The following HGD variants were observed in gnomAD, a reference collection of about 807,000 sequenced individuals.
HGD encodes homogentisate 1,2-dioxygenase, also known as homogentisate oxidase.
HGD carries 61 observed loss-of-function variants against 60.8 expected under a neutral mutation model. The observed-to-expected ratio is 1.00, with a 90% confidence interval of 0.82 to 1.24. The LOEUF (loss-of-function observed/expected upper bound fraction) is 1.24. Ranked by LOEUF, HGD falls within the 50% of genes most tolerant of loss-of-function variation. The probability of loss-of-function intolerance (pLI) is 0.00; values close to 1 mark genes in which losing one functional copy is unlikely to be tolerated. For missense variants in HGD, 542 were observed against 547.1 expected (o/e 0.99, Z 0.09); for synonymous variants, 212 against 187.7 (o/e 1.13, Z -1.06).
At chr3:120,662,974 A>G (rs1707812822) in intron 4 of HGD, among the ~76,000 whole-genome samples, 1 of 152,202 alleles carries the variant, frequency 6.6e-6, no homozygotes, top group Non-Finnish European at 1.5e-5. Flanking sequence ...GGCTATAGAC[A>G]CAGAGGGAAG....
At chr3:120,675,075 G>A (rs1020306956) in intron 2 of HGD, 86 bp from the exon 3 acceptor site, 2 of 882,610 alleles carry the variant, frequency 2.3e-6, no homozygotes, top group African/African-American at 3.3e-5. Flanking sequence ...GGGGGATGGG[G>A]ATGCTCTGGG....
At position 120,635,499 on chromosome 3, in the gene HGD, A is replaced by T. The variant is rs796600540; in HGVS notation, c.1007-2171T>A. On this transcript the variant is annotated intron_variant, in intron 12 of 13. Coordinates refer to ENST00000283871, the MANE Select transcript of HGD (RefSeq NM_000187.4). ...CTCAAAAAAAAAAAAAAAAAAAAAA[A>T]GCTGAATCTAGTTGACTAAGGCACA... Among the ~76,000 whole-genome samples, 22 of 142,172 alleles carry T rather than the reference A, an allele frequency of 1.5e-4. No homozygotes were observed. In the East Asian group the frequency reaches 3.9e-3, roughly 25 times the overall value. 93.3% of individuals were successfully genotyped at this position (142,172 alleles called of 152,430 possible). A position where few individuals can be genotyped will look rare whatever the true frequency, so the allele number is the denominator to read the frequency against.
Position 120,669,447 on chromosome 3 carries a change from G to GCGCGCA in HGD, c.282+979_282+980insTGCGCG, listed in dbSNP as rs71133515. On this transcript the variant is annotated intron_variant, in intron 4 of 13. Coordinates refer to ENST00000283871, the MANE Select transcript of HGD (RefSeq NM_000187.4). ...AAAATACAAGCTTATGTGCGCATGT[G>GCGCGCA]CACACACACACACACACACACACAC... is the stretch of plus-strand genomic sequence containing the variant. Among the ~76,000 whole-genome samples the GCGCGCA allele has an allele frequency of 2.3e-3, 334 of 145,726 alleles. 2 individuals are homozygous for GCGCGCA. Among genetic ancestry groups the GCGCGCA allele is most frequent in the African/African-American group, 8.0e-3 (315 of 39,210 alleles).
At chr3:120,663,398 A>G (rs1342423003) in intron 4 of HGD, among the ~76,000 whole-genome samples, 1 of 152,200 alleles carries the variant, frequency 6.6e-6, no homozygotes, top group African/African-American at 2.4e-5. Context: ...TGGCTAGGAA[A>G]GCCTCACAAT....
intron 5 of HGD, among the ~76,000 whole-genome samples, chr3:120,652,313 G>A (rs113711833): frequency 9.9e-5 from 15 of 151,494 alleles, no homozygotes; most frequent in African/African-American, 1.7e-4. Flanking sequence ...AAAAGCCCCC[G>A]TTCTAGCCAA....
At chr3:120,645,441 A>C (rs1046920729) in intron 9 of HGD, among the ~76,000 whole-genome samples, 10 of 152,218 alleles carry the variant, frequency 6.6e-5, no homozygotes, top group African/African-American at 2.4e-4. Flanking sequence ...GAGTAAACCA[A>C]GGGCCAATTT....
At position 120,670,545 on chromosome 3, in the gene HGD, AC is replaced by A; in HGVS notation, c.177-14del. On this transcript the variant is annotated splice_polypyrimidine_tract_variant and intron_variant, in intron 3 of 13. Transcript: ENST00000283871. ...CCTATACAGCCAGCTAGAGGGAAAAACATACAAGATATACAAGCCTTAGAGT... is the reference window on the plus strand; with the variant it reads ...CCTATACAGCCAGCTAGAGGGAAAAAATACAAGATATACAAGCCTTAGAGT... 2 of 1,400,694 alleles carry A rather than the reference AC, an allele frequency of 1.4e-6. No homozygotes were observed. The highest frequency in any genetic ancestry group is 2.0e-6 in the Non-Finnish European group (2 of 985,390). 86.8% of individuals were successfully genotyped at this position (1,400,694 alleles called of 1,614,324 possible).
intron 12 of HGD, among the ~76,000 whole-genome samples, chr3:120,636,523 G>A (rs1011252694): frequency 6.6e-6 from 1 of 152,152 alleles, no homozygotes; most frequent in Admixed American, 6.6e-5. Flanking sequence ...AGTAACATGC[G>A]AAGTACAGAC....
rs2107483460 is a variant in HGD, at chr3:120,628,293, C to T, written c.*87G>A. ...AAAAGTGAATTTTCATTTTAACCAA[C>T]CCCCTCCTCCAATACTACCAGAAAG... On this transcript the variant is annotated 3_prime_UTR_variant, in exon 14 of 14. Transcript: ENST00000283871. 1.4e-6 allele frequency: 2 copies of T among 1,427,708 alleles called. No homozygotes were observed. Among genetic ancestry groups the T allele is most frequent in the South Asian group, 2.3e-5 (2 of 86,244 alleles). 88.4% of individuals were successfully genotyped at this position (1,427,708 alleles called of 1,614,324 possible). A position where few individuals can be genotyped will look rare whatever the true frequency, so the allele number is the denominator to read the frequency against.
At chr3:120,640,696 A>C (rs1037842496) in intron 11 of HGD, among the ~76,000 whole-genome samples, 3 of 152,236 alleles carry the variant, frequency 2.0e-5, no homozygotes, top group Non-Finnish European at 4.4e-5. Flanking sequence ...ATCACAAATA[A>C]AGCTTTATCA....
At chr3:120,677,213 A>G (rs1708147405) in intron 1 of HGD, among the ~76,000 whole-genome samples, 1 of 152,240 alleles carries the variant, frequency 6.6e-6, no homozygotes, top group South Asian at 2.1e-4. Context: ...TTGAAAAAAG[A>G]ACAGGATAAC....
rs1941218402 is a variant in HGD at position 120,648,017 on chromosome 3, C to G, written c.435-106G>C. 4 of 952,788 alleles carry G rather than the reference C, an allele frequency of 4.2e-6. No individual in the cohort carries two copies. In the East Asian group the frequency reaches 9.6e-5, roughly 23 times the overall value. 59.0% of individuals were successfully genotyped at this position (952,788 alleles called of 1,614,324 possible). A position where few individuals can be genotyped will look rare whatever the true frequency, so the allele number is the denominator to read the frequency against. ...TAGTGCCTATGTAGCAAGCTCAGAG[C>G]TGGGTATAAAATGGGGAGCAAAATG... On this transcript the variant is annotated intron_variant, in intron 6 of 13. Coordinates refer to ENST00000283871, the MANE Select transcript of HGD (RefSeq NM_000187.4).
chr3:120,680,649 G>A (rs1299187806), intron 1 of HGD, among the ~76,000 whole-genome samples: 1 of 152,110 alleles, frequency 6.6e-6, no homozygotes, highest in Non-Finnish European at 1.5e-5. Flanking sequence ...CTGACATCAT[G>A]ACCCTCAGTT....
chr3:120,659,143 G>C (rs1941585238), intron 4 of HGD, among the ~76,000 whole-genome samples: 1 of 152,210 alleles, frequency 6.6e-6, no homozygotes, highest in African/African-American at 2.4e-5. Flanking sequence ...TTCTTCTCCT[G>C]AAAATGGGCT....
chr3:120,634,544 G>A (rs1430415073), intron 12 of HGD, among the ~76,000 whole-genome samples: 3 of 152,048 alleles, frequency 2.0e-5, no homozygotes, highest in African/African-American at 7.2e-5. Flanking sequence ...AGACAGAGAT[G>A]AATAAGAAAT....
intron 6 of HGD, 94 bp downstream of exon 6, chr3:120,650,680 T>C (rs1191011087): frequency 3.0e-5 from 26 of 857,420 alleles, no homozygotes; most frequent in Non-Finnish European, 5.1e-5. Flanking sequence ...TGTATGTGCA[T>C]ATGTGACTTC....
At chr3:120,643,660 C>G (rs1355521328) in intron 10 of HGD, among the ~76,000 whole-genome samples, 1 of 152,066 alleles carries the variant, frequency 6.6e-6, no homozygotes, top group Non-Finnish European at 1.5e-5. Context: ...ATGAAGCAAA[C>G]AAATAATGCT....
rs1708120568 is a variant in HGD at position 120,675,871 on chromosome 3, T to C, written c.16-8A>G. The C allele has an allele frequency of 3.7e-6, 6 of 1,609,920 alleles. No individual in the cohort carries two copies. The East Asian group carries it at 8.9e-5, about 24-fold the overall frequency. On this transcript the variant is annotated splice_region_variant and splice_polypyrimidine_tract_variant and intron_variant, in intron 1 of 13. Transcript: ENST00000283871. ...CCCAAATCCAGAAATGTACTGTAGG[T>C]GACAAAGACACAAATGCCACCATTA...
At chr3:120,654,728 C>A (rs1432264824) in intron 4 of HGD, among the ~76,000 whole-genome samples, 4 of 152,140 alleles carry the variant, frequency 2.6e-5, no homozygotes, top group Non-Finnish European at 4.4e-5. Flanking sequence ...GATTTTCTGC[C>A]TGGTTTGTTG....
Sources: allele counts gnomAD v4.1 joint callset (sites outside exome capture counted in the v4.1 genomes callset), GRCh38; gene constraint gnomAD v4.1.1; transcripts MANE v1.5; gene names NCBI Gene and HGNC (gene_info 2026-07-23, HGNC 2026-07-21).